The following ADGRB3 variants were observed in gnomAD, a reference collection of about 807,000 sequenced individuals.
ADGRB3 encodes adhesion G protein-coupled receptor B3, also known as brain-specific angiogenesis inhibitor 3.
In ADGRB3, 37 loss-of-function variants were observed where a neutral mutation model predicts 193.4. The observed-to-expected ratio is 0.19, with a 90% CI of 0.15 to 0.25. The LOEUF is 0.25. Ranked by LOEUF, ADGRB3 falls within the 10% of genes least tolerant of loss-of-function variation. The pLI is 1.00. For missense variants in ADGRB3, 1,637 were observed against 1,852.9 expected, an observed-to-expected ratio of 0.88 and a Z score of 2.14; for synonymous variants, 690 against 644.2, an observed-to-expected ratio of 1.07 and a Z score of -1.08.
At chr6:69,086,523 A>G (rs917430833) in intron 17 of ADGRB3, among the ~76,000 whole-genome samples, 1 of 152,152 alleles carries the variant, frequency 6.6e-6, no homozygotes, top group African/African-American at 2.4e-5. Flanking sequence ...TTGTCATTAT[A>G]ATCTTTAGCA....
chr6:68,731,261 C>T (rs1026372800), intron 3 of ADGRB3, among the ~76,000 whole-genome samples: 5 of 151,328 alleles, frequency 3.3e-5, no homozygotes, highest in East Asian at 3.9e-4. Context: ...CCTCGTGTTA[C>T]GGATTTAATA....
In ADGRB3 at chr6:69,232,762, C is replaced by G. The variant is rs551047121; in HGVS notation, c.2481-528C>G. ...GCTATTCTAAAAGGAGGAAAAATCC[C>G]TAACCAGCAGCAGAGAAGATCCTAT... On this transcript the variant is annotated intron_variant, in intron 17 of 31. Coordinates refer to ENST00000370598, the MANE Select transcript of ADGRB3 (RefSeq NM_001704.3). 45 of 740,458 alleles carry G rather than the reference C, an allele frequency of 6.1e-5. No homozygotes were observed. In the African/African-American group the frequency reaches 7.0e-4, roughly 12 times the overall value. The allele number at this position is 740,458 out of a possible 1,614,324, so 45.9% of individuals were successfully genotyped here.
chr6:69,359,381 T>A (rs2127331116), intron 28 of ADGRB3, among the ~76,000 whole-genome samples: 1 of 151,708 alleles, frequency 6.6e-6, no homozygotes, highest in South Asian at 2.1e-4. Flanking sequence ...TAAAACTGAA[T>A]TATTCTACTT....
At chr6:69,060,746 G>A (rs1771723863) in intron 15 of ADGRB3, among the ~76,000 whole-genome samples, 1 of 151,902 alleles carries the variant, frequency 6.6e-6, no homozygotes, top group African/African-American at 2.4e-5. Flanking sequence ...ATCCAAAAAA[G>A]GAACTTACAT....
Position 68,923,442 on chromosome 6 carries a change from A to G in ADGRB3, c.758-7117A>G, listed in dbSNP as rs187705733. Among the ~76,000 whole-genome samples the G allele has an allele frequency of 2.0e-3, 305 of 152,106 alleles. 4 individuals carry two copies. Among genetic ancestry groups the G allele is most frequent in the Admixed American group, 5.2e-3 (80 of 15,268 alleles). On this transcript the variant is annotated intron_variant, in intron 3 of 31. Coordinates refer to ENST00000370598, the MANE Select transcript of ADGRB3 (RefSeq NM_001704.3). ...TTTATGAAAAAAGAAGACATTTCAT[A>G]CTCCACTTATATTTTTTTGGTCAAG...
chr6:68,708,816 A>AT (rs1480700269), intron 3 of ADGRB3, among the ~76,000 whole-genome samples: 1 of 152,182 alleles, frequency 6.6e-6, no homozygotes, highest in Non-Finnish European at 1.5e-5. Context: ...ATACTTGCAA[A>AT]TAGTATCTAA....
At chr6:69,067,203 G>A (rs1450883840) in intron 16 of ADGRB3, among the ~76,000 whole-genome samples, 1 of 152,064 alleles carries the variant, frequency 6.6e-6, no homozygotes, top group African/African-American at 2.4e-5. Context: ...GGTATAGGTA[G>A]GGTACTGCTG....
chr6:69,118,493 C>T (rs1384063833), intron 17 of ADGRB3, among the ~76,000 whole-genome samples: 1 of 152,106 alleles, frequency 6.6e-6, no homozygotes, highest in Non-Finnish European at 1.5e-5. Context: ...TGTCACCCAT[C>T]TTCTCTCCTC....
chr6:68,716,286 A>C (rs975117525), intron 3 of ADGRB3, among the ~76,000 whole-genome samples: 12 of 151,762 alleles, frequency 7.9e-5, no homozygotes, highest in Admixed American at 7.2e-4. Context: ...TTTTATGTGG[A>C]GATTTATTTA....
chr6:68,945,565 A>G (rs1472292766), intron 6 of ADGRB3, among the ~76,000 whole-genome samples: 1 of 152,128 alleles, frequency 6.6e-6, no homozygotes, highest in African/African-American at 2.4e-5. Context: ...GTTTACTCTT[A>G]TTTGTCCATG....
At chr6:68,765,914 A>C (rs561516289) in intron 3 of ADGRB3, among the ~76,000 whole-genome samples, 1 of 152,138 alleles carries the variant, frequency 6.6e-6, no homozygotes, top group Non-Finnish European at 1.5e-5. Flanking sequence ...CTATATATTT[A>C]CATGTGTCTG....
intron 20 of ADGRB3, among the ~76,000 whole-genome samples, chr6:69,266,415 T>C (rs1361833324): frequency 1.3e-5 from 2 of 151,970 alleles, no homozygotes; most frequent in Admixed American, 6.6e-5. Context: ...CAGTTAGATA[T>C]GGATAGAAAA....
intron 3 of ADGRB3, among the ~76,000 whole-genome samples, chr6:68,661,323 G>GTATATA (rs1269350697): frequency 9.0e-6 from 1 of 111,302 alleles, no homozygotes; most frequent in South Asian, 3.0e-4. Context: ...GTGTGTGTGT[G>GTATATA]TGTATATATA....
At chr6:69,352,807 T>C (rs1769255272) in intron 26 of ADGRB3, among the ~76,000 whole-genome samples, 2 of 152,228 alleles carry the variant, frequency 1.3e-5, no homozygotes, top group African/African-American at 4.8e-5. Flanking sequence ...CCAACAGGTA[T>C]ATTATGAATA....
At chr6:68,802,183 C>CGTGCGTGT (rs561887284) in intron 3 of ADGRB3, among the ~76,000 whole-genome samples, 1 of 142,734 alleles carries the variant, frequency 7.0e-6, no homozygotes, top group South Asian at 2.3e-4. Context: ...TGCACATATG[C>CGTGCGTGT]GTGTGTGTGT....
At chr6:69,110,351 TAA>T (rs1242070749) in intron 17 of ADGRB3, among the ~76,000 whole-genome samples, 1 of 152,204 alleles carries the variant, frequency 6.6e-6, no homozygotes, top group African/African-American at 2.4e-5. Context: ...AAAGATAGAA[TAA>T]GACTATATTT....
chr6:69,373,011 T>C (rs1769738294), intron 30 of ADGRB3, among the ~76,000 whole-genome samples: 1 of 152,024 alleles, frequency 6.6e-6, no homozygotes, highest in South Asian at 2.1e-4. Context: ...ATTTTCATTT[T>C]CCAATTTACA....
intron 30 of ADGRB3, among the ~76,000 whole-genome samples, chr6:69,381,925 T>C (rs1454556742): frequency 1.3e-5 from 2 of 151,862 alleles, no homozygotes; most frequent in African/African-American, 4.8e-5. Context: ...CTTTTAAAAA[T>C]CAAAACTGAG....
intron 3 of ADGRB3, among the ~76,000 whole-genome samples, chr6:68,718,545 T>C (rs185561521): frequency 1.3e-4 from 19 of 151,856 alleles, no homozygotes; most frequent in Admixed American, 1.3e-3. Flanking sequence ...TTTTCTCAAG[T>C]TGTTCCCTCT....
Sources: allele counts gnomAD v4.1 joint callset (sites outside exome capture counted in the v4.1 genomes callset), GRCh38; gene constraint gnomAD v4.1.1; transcripts MANE v1.5; gene names NCBI Gene and HGNC (gene_info 2026-07-23, HGNC 2026-07-21).